Variants in ZNF827 observed in about 807,000 individuals in gnomAD.
The protein encoded by ZNF827 is zinc finger protein 827.
In ZNF827, 13 loss-of-function variants were observed where a neutral mutation model predicts 102.4. The ratio of observed to expected loss-of-function variants is 0.13; its 90% CI spans 0.08 to 0.20. The LOEUF (loss-of-function observed/expected upper bound fraction) is 0.20, where lower values mean the gene tolerates loss of function less well. Among genes scored for constraint, ZNF827 ranks in the 10% least tolerant of loss-of-function variants. The pLI, the probability that ZNF827 is intolerant of heterozygous loss-of-function variation, is 1.00. For missense variants in ZNF827, 1,103 were observed against 1,344.4 expected, an observed-to-expected ratio of 0.82 and a Z score of 2.81; for synonymous variants, 523 against 536.2, an observed-to-expected ratio of 0.98 and a Z score of 0.34.
At chr4:145,920,654 A>G (rs1752999904) in intron 1 of ZNF827, among the ~76,000 whole-genome samples, 2 of 152,340 alleles carry the variant, frequency 1.3e-5, no homozygotes, top group African/African-American at 4.8e-5. Flanking sequence ...GATGGTCTCT[A>G]AAGTCCTTTC....
intron 1 of ZNF827, among the ~76,000 whole-genome samples, chr4:145,929,630 C>T (rs900380652): frequency 3.9e-5 from 6 of 151,976 alleles, no homozygotes; most frequent in South Asian, 2.1e-4. Context: ...TTATTACTCA[C>T]CACACTAATG....
At chr4:145,855,997 ATT>A (rs1006447450) in intron 5 of ZNF827, among the ~76,000 whole-genome samples, 2 of 141,624 alleles carry the variant, frequency 1.4e-5, no homozygotes, top group Non-Finnish European at 1.6e-5. Flanking sequence ...GACAAGCTTT[ATT>A]TTTTTTTTTT....
In ZNF827 at chr4:145,795,242, G is replaced by A. The variant is rs60235417; in HGVS notation, c.2384-15731C>T. Among the ~76,000 whole-genome samples, 123 of 152,244 alleles carry A rather than the reference G, an allele frequency of 8.1e-4. 2 individuals carry two copies. The highest frequency in any genetic ancestry group is 2.8e-3 in the African/African-American group (117 of 41,550). ...GGCTCACTGCAATCTCTGCCCACCG[G>A]GTTCAAGTGATTCTCATGCCTCAGC... On this transcript the variant is annotated intron_variant, in intron 8 of 14. Coordinates refer to ENST00000508784, the MANE Select transcript of ZNF827 (RefSeq NM_001306215.2).
At chr4:145,859,332 A>C (rs1747482632) in intron 5 of ZNF827, among the ~76,000 whole-genome samples, 1 of 152,220 alleles carries the variant, frequency 6.6e-6, no homozygotes, top group Non-Finnish European at 1.5e-5. Flanking sequence ...ATAAAACAAA[A>C]AGGAAGGAGG....
chr4:145,828,385 A>T (rs1263775708), intron 7 of ZNF827, among the ~76,000 whole-genome samples: 1 of 152,224 alleles, frequency 6.6e-6, no homozygotes, highest in Admixed American at 6.5e-5. Context: ...AAAAGTTGAT[A>T]GAGGAGGAGG....
chr4:145,897,914 G>C (rs892482884), intron 2 of ZNF827, among the ~76,000 whole-genome samples: 2 of 152,092 alleles, frequency 1.3e-5, no homozygotes, highest in Non-Finnish European at 2.9e-5. Flanking sequence ...CAGCACTTTG[G>C]GGGCCTGAGT....
intron 7 of ZNF827, 94 bp downstream of exon 7, chr4:145,845,862 G>T (rs2126637749): frequency 7.8e-7 from 1 of 1,286,706 alleles, no homozygotes; most frequent in Non-Finnish European, 1.1e-6. Context: ...TGAACCCAGT[G>T]GGAGAAAGAG....
intron 11 of ZNF827, among the ~76,000 whole-genome samples, chr4:145,771,245 T>C (rs1736233312): frequency 6.6e-6 from 1 of 152,254 alleles, no homozygotes; most frequent in Admixed American, 6.5e-5. Flanking sequence ...TTTTGCAAAC[T>C]GAAGAAATTT....
At chr4:145,885,625 AG>A in intron 4 of ZNF827, 52 bp downstream of exon 4, 1 of 1,442,704 alleles carries the variant, frequency 6.9e-7, no homozygotes, top group South Asian at 1.5e-5. Flanking sequence ...AGAGAGAGAG[AG>A]AGAGAGAGAG....
intron 6 of ZNF827, among the ~76,000 whole-genome samples, chr4:145,846,422 G>A (rs1176836743): frequency 1.3e-5 from 2 of 151,580 alleles, no homozygotes; most frequent in East Asian, 1.9e-4. Context: ...AGCTTGCAGC[G>A]AGCCGAGATC....
chr4:145,787,882 G>T (rs770553401), intron 8 of ZNF827, among the ~76,000 whole-genome samples: 2 of 152,092 alleles, frequency 1.3e-5, no homozygotes, highest in Non-Finnish European at 2.9e-5. Flanking sequence ...CTTGCACAGG[G>T]TCAAGTAACC....
At chr4:145,903,818 G>A (rs563031470) in intron 1 of ZNF827, among the ~76,000 whole-genome samples, 4 of 152,218 alleles carry the variant, frequency 2.6e-5, no homozygotes, top group Admixed American at 2.0e-4. Flanking sequence ...ATCATAATAA[G>A]CATGTGATCA....
rs149399870 is a variant in ZNF827, at chr4:145,791,768, T to C, written c.2384-12257A>G. On this transcript the variant is annotated intron_variant, in intron 8 of 14. Coordinates refer to ENST00000508784, the MANE Select transcript of ZNF827 (RefSeq NM_001306215.2). ...GTGCTAAGGCTACAGGTTTTACTTA[T>C]ATAATTTCATTTAACTCTCTTAACA... Among the ~76,000 whole-genome samples, 54 of 152,350 alleles carry C rather than the reference T, an allele frequency of 3.5e-4. No homozygotes were observed. In the East Asian group the frequency reaches 7.7e-3, roughly 22 times the overall value.
intron 8 of ZNF827, among the ~76,000 whole-genome samples, chr4:145,812,162 G>A (rs1742084993): frequency 6.6e-6 from 1 of 151,886 alleles, no homozygotes; most frequent in South Asian, 2.1e-4. Flanking sequence ...CTGACCTCAG[G>A]TGATCCGCCT....
intron 4 of ZNF827, among the ~76,000 whole-genome samples, chr4:145,873,688 C>T (rs916300395): frequency 2.6e-5 from 4 of 152,160 alleles, no homozygotes; most frequent in African/African-American, 4.8e-5. Context: ...CCAACGTCTA[C>T]CAGGAAGGTT....
chr4:145,913,339 T>A (rs190009739), intron 1 of ZNF827, among the ~76,000 whole-genome samples: 2 of 139,910 alleles, frequency 1.4e-5, no homozygotes, highest in African/African-American at 5.5e-5. Context: ...AGCAGAAGGA[T>A]AACTTGAGTC....
intron 11 of ZNF827, among the ~76,000 whole-genome samples, chr4:145,770,662 T>A (rs1271421331): frequency 2.0e-5 from 3 of 152,080 alleles, no homozygotes; most frequent in African/African-American, 7.2e-5. Flanking sequence ...TTGTACAGAG[T>A]TGGCTCTCAA....
intron 1 of ZNF827, among the ~76,000 whole-genome samples, chr4:145,922,984 TA>T (rs765794737): frequency 3.2e-4 from 49 of 152,220 alleles, no homozygotes; most frequent in Admixed American, 8.5e-4. Context: ...TTGATATTAA[TA>T]TTTTTTTTAT....
At position 145,834,033 on chromosome 4, in the gene ZNF827, T is replaced by C. The variant is rs186222832; in HGVS notation, c.2280-10508A>G. 7.6e-3 allele frequency among the ~76,000 whole-genome samples: 1,154 copies of C among 152,138 alleles called. 7 individuals carry two copies. Among genetic ancestry groups the C allele is most frequent in the African/African-American group, 0.026 (1,081 of 41,488 alleles). ...ACCCTCCATTCCTCCTTCTACTCCC[T>C]TGGCCTGTGTTCTCAAAAACTTAAA... On this transcript the variant is annotated intron_variant, in intron 7 of 14. Coordinates refer to ENST00000508784, the MANE Select transcript of ZNF827 (RefSeq NM_001306215.2).
Sources: gnomAD v4.1 joint callset for allele counts (sites outside exome capture counted in the v4.1 genomes callset) on GRCh38, gnomAD v4.1.1 for gene constraint, MANE v1.5 for transcripts, NCBI Gene and HGNC (gene_info 2026-07-23, HGNC 2026-07-21) for gene names.